The following FNBP1 variants were observed in gnomAD, a reference collection of about 807,000 sequenced individuals.
FNBP1 encodes the protein formin-binding protein 1.
FNBP1 carries 26 observed loss-of-function variants against 90.6 expected under a neutral mutation model. That is an observed-to-expected ratio of 0.29 (90% CI 0.21 to 0.40). FNBP1 has a LOEUF of 0.40. FNBP1 is among the 10% of genes least tolerant of loss of function. The pLI is 1.00. For missense variants in FNBP1, 635 were observed against 768.0 expected (o/e 0.83, Z 2.05); for synonymous variants, 260 against 265.2 (o/e 0.98, Z 0.19).
At chr9:129,921,388 A>G (rs1290247031) in intron 10 of FNBP1, among the ~76,000 whole-genome samples, 3 of 143,938 alleles carry the variant, frequency 2.1e-5, no homozygotes, top group South Asian at 4.5e-4. Context: ...CTATTTTTTC[A>G]TGGGTTTTTT....
In FNBP1 at chr9:130,042,123, C is replaced by T. The variant is rs1187706896; in HGVS notation, c.24+829G>A. Among the ~76,000 whole-genome samples the T allele has an allele frequency of 2.6e-5, 4 of 152,046 alleles. No homozygotes were observed. The highest frequency in any genetic ancestry group is 2.0e-4 in the Admixed American group (3 of 15,276). On this transcript the variant is annotated intron_variant, in intron 1 of 16. Transcript: ENST00000446176. This position sits in a 1 kb window ranked among gnomAD's most constrained non-coding sequence, Gnocchi z 5.5. ...GCCCCTCGCCTTTCCGGGGACGGCC[C>T]TCAGCCCTGAGGGCTGCCCGTTTAC... is the stretch of plus-strand genomic sequence containing the variant.
intron 1 of FNBP1, among the ~76,000 whole-genome samples, chr9:130,024,488 T>C (rs919963152): frequency 1.3e-5 from 2 of 152,016 alleles, no homozygotes; most frequent in Non-Finnish European, 2.9e-5. Context: ...TAATGGAGAG[T>C]ATCTGTTGCC....
chr9:129,955,860 C>T (rs2046864107), intron 6 of FNBP1, among the ~76,000 whole-genome samples: 1 of 151,604 alleles, frequency 6.6e-6, no homozygotes, highest in Admixed American at 6.6e-5. Context: ...CACACACACA[C>T]ACATATATGA....
chr9:129,965,623 G>A (rs995928250), intron 4 of FNBP1, among the ~76,000 whole-genome samples: 33 of 152,018 alleles, frequency 2.2e-4, no homozygotes, highest in African/African-American at 7.5e-4. Flanking sequence ...CAGGGGGATC[G>A]CTTGAGGCCA....
At position 129,900,642 on chromosome 9, in the gene FNBP1, CG is replaced by C; in HGVS notation, c.1429-96del. On this transcript the variant is annotated intron_variant, in intron 13 of 16. Transcript: ENST00000446176. The surrounding 1 kb of genome is among the most constrained non-coding windows in gnomAD (Gnocchi z 4.1). ...CCCAAAGGCCATCTGAGGGCCAGCC[CG>C]GAGCATCCTAAGGTCCCAAACTCAG... The C allele has an allele frequency of 8.7e-6, 11 of 1,263,024 alleles. No individual in the cohort carries two copies. The highest frequency in any genetic ancestry group is 1.1e-5 in the Non-Finnish European group (11 of 984,398). 78.2% of individuals were successfully genotyped at this position (1,263,024 alleles called of 1,614,324 possible).
intron 2 of FNBP1, among the ~76,000 whole-genome samples, chr9:129,980,141 C>T (rs1201097586): frequency 2.0e-5 from 3 of 151,030 alleles, no homozygotes; most frequent in African/African-American, 7.3e-5. Flanking sequence ...AGACAGATCA[C>T]CTGAGGTTGG....
At chr9:129,914,874 G>C (rs1427133539) in intron 11 of FNBP1, 1 of 454,350 alleles carries the variant, frequency 2.2e-6, no homozygotes, top group Non-Finnish European at 4.6e-6. Context: ...TGTCACAGTT[G>C]ATCACTGTCC....
intron 10 of FNBP1, among the ~76,000 whole-genome samples, chr9:129,920,700 C>A (rs80090730): frequency 1.3e-5 from 2 of 152,094 alleles, no homozygotes; most frequent in Non-Finnish European, 2.9e-5. Context: ...GATTCACAAA[C>A]CATTTTTGGC....
At chr9:129,966,000 A>G (rs1286344313) in intron 4 of FNBP1, among the ~76,000 whole-genome samples, 1 of 152,166 alleles carries the variant, frequency 6.6e-6, no homozygotes, top group Non-Finnish European at 1.5e-5. Flanking sequence ...TGCCAGGGTG[A>G]TCATCCCATG....
chr9:129,945,197 C>A (rs1207349777), intron 6 of FNBP1, among the ~76,000 whole-genome samples: 2 of 152,102 alleles, frequency 1.3e-5, no homozygotes, highest in East Asian at 1.9e-4. Context: ...TTCATTTGAA[C>A]CTTGATCCAC....
intron 1 of FNBP1, among the ~76,000 whole-genome samples, chr9:130,008,507 T>TA (rs2131613293): frequency 6.6e-6 from 1 of 152,298 alleles, no homozygotes; most frequent in East Asian, 1.9e-4. Flanking sequence ...TGTAACTGTG[T>TA]TTGGCTGCAT....
chr9:129,921,594 G>A (rs955844188), intron 10 of FNBP1, among the ~76,000 whole-genome samples: 1 of 151,978 alleles, frequency 6.6e-6, no homozygotes, highest in Admixed American at 6.6e-5. Flanking sequence ...TGTATTTTTA[G>A]TACAGACGGG....
intron 15 of FNBP1, among the ~76,000 whole-genome samples, chr9:129,899,554 G>A (rs1390417638): frequency 6.6e-6 from 1 of 151,948 alleles, no homozygotes; most frequent in Non-Finnish European, 1.5e-5. Context: ...CTACTGAAAA[G>A]TACAAAAAGT....
In FNBP1 at chr9:129,965,708, G is replaced by GCACA. The variant is rs5900877; in HGVS notation, c.346-7159_346-7156dup. ...AACACACACACACACGCGCGCGCGCGCACACACACACACACATAGAAAGAA... is the reference window on the plus strand; with the variant it reads ...AACACACACACACACGCGCGCGCGCGCACACACACACACACACACATAGAAAGAA... On this transcript the variant is annotated intron_variant, in intron 4 of 16. Coordinates refer to ENST00000446176, the MANE Select transcript of FNBP1 (RefSeq NM_015033.3). 6.6e-3 allele frequency among the ~76,000 whole-genome samples: 959 copies of GCACA among 145,534 alleles called. 16 individuals carry two copies. The highest frequency in any genetic ancestry group is 0.016 in the South Asian group (71 of 4,550).
intron 12 of FNBP1, 80 bp downstream of exon 12, chr9:129,908,810 C>T (rs1247873463): frequency 4.4e-6 from 4 of 908,934 alleles, no homozygotes; most frequent in Non-Finnish European, 5.3e-6. Context: ...ACCGCAGCCT[C>T]CCAAAGTGCT....
chr9:129,964,435 AAAACAAAC>A (rs771970992), intron 4 of FNBP1, among the ~76,000 whole-genome samples: 2 of 152,166 alleles, frequency 1.3e-5, no homozygotes, highest in Non-Finnish European at 2.9e-5. Flanking sequence ...ATAATAAGCT[AAAACAAAC>A]AAACAAACAA....
At chr9:130,016,531 GC>G (rs2057257754) in intron 1 of FNBP1, among the ~76,000 whole-genome samples, 1 of 152,154 alleles carries the variant, frequency 6.6e-6, no homozygotes, top group South Asian at 2.1e-4. Flanking sequence ...ATCACCTGAG[GC>G]TGGGAGTTCA....
At chr9:130,011,710 A>T (rs542323760) in intron 1 of FNBP1, among the ~76,000 whole-genome samples, 1 of 152,326 alleles carries the variant, frequency 6.6e-6, no homozygotes, top group East Asian at 1.9e-4. Flanking sequence ...TTTATAAATT[A>T]TCCACTCTCA....
chr9:129,979,966 A>C (rs1648641390), intron 2 of FNBP1, among the ~76,000 whole-genome samples: 1 of 151,862 alleles, frequency 6.6e-6, no homozygotes, highest in Admixed American at 6.6e-5. Flanking sequence ...CATTTGTAGC[A>C]CTGAGCTGTT....
Sources: gnomAD v4.1 joint callset for allele counts (sites outside exome capture counted in the v4.1 genomes callset) on GRCh38, gnomAD v4.1.1 for gene constraint, Gnocchi (gnomAD v3.1) non-coding constraint, MANE v1.5 for transcripts, NCBI Gene and HGNC (gene_info 2026-07-23, HGNC 2026-07-21) for gene names.